SYT13: variants seen among roughly 807,000 people sequenced by gnomAD.
SYT13 encodes synaptotagmin 13.
In SYT13, 21 loss-of-function variants were observed where a neutral mutation model predicts 38.6. That is an observed-to-expected ratio of 0.54 (90% CI 0.39 to 0.78). The LOEUF is 0.78. Ranked by LOEUF, SYT13 falls within the 30% of genes least tolerant of loss-of-function variation. The pLI is 0.00. For synonymous variants in SYT13, 241 were observed against 237.6 expected (o/e 1.01, Z -0.13); for missense variants, 495 against 548.7 (o/e 0.90, Z 0.98).
chr11:45,284,758 TGGA>T (rs1247340913), intron 1 of SYT13, among the ~76,000 whole-genome samples: 2 of 152,134 alleles, frequency 1.3e-5, no homozygotes, highest in African/African-American at 4.8e-5. Context: ...CCACGACTTG[TGGA>T]GAAGGACTCC....
At chr11:45,266,656 AG>A (rs1406694489) in intron 1 of SYT13, among the ~76,000 whole-genome samples, 5 of 152,224 alleles carry the variant, frequency 3.3e-5, no homozygotes, top group African/African-American at 1.2e-4. Flanking sequence ...CTAGAGGCTG[AG>A]TGGGAACAGC....
chr11:45,260,980 A>G (rs11038371), intron 1 of SYT13, among the ~76,000 whole-genome samples: 68,016 of 152,144 alleles, frequency 0.45, 16,563 homozygotes, highest in Non-Finnish European at 0.56. Context: ...GAAGCAACCC[A>G]GATGTGCAGA....
intron 1 of SYT13, among the ~76,000 whole-genome samples, chr11:45,264,089 C>G (rs999853932): frequency 6.6e-6 from 1 of 152,114 alleles, no homozygotes; most frequent in Non-Finnish European, 1.5e-5. Context: ...TACTTTTTTA[C>G]TCATTTGTGA....
At chr11:45,273,988 T>G (rs1175227761) in intron 1 of SYT13, among the ~76,000 whole-genome samples, 2 of 152,184 alleles carry the variant, frequency 1.3e-5, no homozygotes, top group African/African-American at 2.4e-5. Context: ...CATATAACCT[T>G]AGAGAACCTT....
chr11:45,259,330 G>A (rs965771416), intron 1 of SYT13, among the ~76,000 whole-genome samples: 10 of 152,288 alleles, frequency 6.6e-5, no homozygotes, highest in Middle Eastern at 6.8e-3. Context: ...CAATTCAATC[G>A]TCTGAGAAAA....
At chr11:45,277,710 GTTAAGATCTTCT>G (rs1855026413) in intron 1 of SYT13, among the ~76,000 whole-genome samples, 1 of 152,076 alleles carries the variant, frequency 6.6e-6, no homozygotes, top group South Asian at 2.1e-4. Context: ...TTTTGCCCTG[GTTAAGATCTTCT>G]CCAACTCTAG....
intron 4 of SYT13, among the ~76,000 whole-genome samples, chr11:45,247,657 GACCAGGC>G (rs923320303): frequency 6.6e-6 from 1 of 152,070 alleles, no homozygotes; most frequent in Non-Finnish European, 1.5e-5. Context: ...ATCCATCCTG[GACCAGGC>G]ACTCAGAAGG....
Position 45,243,762 on chromosome 11 carries a change from G to T in SYT13, c.*290C>A. 1 of 324,678 alleles carries T rather than the reference G, an allele frequency of 3.1e-6. No individual in the cohort carries two copies. The allele number at this position is 324,678 out of a possible 1,614,324, so 20.1% of individuals were successfully genotyped here. A position where few individuals can be genotyped will look rare whatever the true frequency, so the allele number is the denominator to read the frequency against. ...ATGATTCCCACATTTAGCTTTCTCT[G>T]CATCTGGCCTAACCCCACCTATAAA... On this transcript the variant is annotated 3_prime_UTR_variant, in exon 6 of 6. Coordinates refer to ENST00000020926, the MANE Select transcript of SYT13 (RefSeq NM_020826.3).
intron 1 of SYT13, among the ~76,000 whole-genome samples, chr11:45,272,975 A>G (rs1421554535): frequency 1.3e-5 from 2 of 152,136 alleles, no homozygotes; most frequent in Middle Eastern, 3.4e-3. Flanking sequence ...TGACTCACAG[A>G]CTCTTCCTTT....
At chr11:45,285,921 T>G (rs1313269792) in intron 1 of SYT13, 104 bp downstream of exon 1, 14 of 1,496,896 alleles carry the variant, frequency 9.4e-6, no homozygotes, top group Admixed American at 2.0e-5. Flanking sequence ...CGCCAAGCTT[T>G]GTCGCGCAAA....
In SYT13 at chr11:45,244,064, C is replaced by T; in HGVS notation, c.1269G>A (p.Gln423=). ...NPRRQIAMWH[Q]LHL is the part of the protein sequence containing the mutation. ...GCTGGGCAGCTGGTTACAGGTGCAGCTGGTGCCACATGGCAATCTGCCGGC... is the reference window on the plus strand; with the variant it reads ...GCTGGGCAGCTGGTTACAGGTGCAGTTGGTGCCACATGGCAATCTGCCGGC... Residue 423 remains glutamine (Q), a synonymous_variant, in exon 6 of 6, where the codon CAG becomes CAA. Coordinates refer to ENST00000020926, the MANE Select transcript of SYT13 (RefSeq NM_020826.3). 6.2e-7 allele frequency: 1 copy of T among 1,600,196 alleles called. No individual in the cohort carries two copies. The highest frequency in any genetic ancestry group is 8.5e-7 in the Non-Finnish European group (1 of 1,175,408).
Position 45,274,729 on chromosome 11 carries a change from C to G in SYT13, c.183+11296G>C, listed in dbSNP as rs144084192. Among the ~76,000 whole-genome samples, 157 of 152,334 alleles carry G rather than the reference C, an allele frequency of 1.0e-3. No individual in the cohort carries two copies. In the Middle Eastern group the frequency reaches 0.014, roughly 13 times the overall value. Reference sequence around the variant, plus strand: ...CCTTATCTGCATCTTCAAACACCATCTTTTCCAAAACATCCTTCTTAATTC... The same window carrying G: ...CCTTATCTGCATCTTCAAACACCATGTTTTCCAAAACATCCTTCTTAATTC... On this transcript the variant is annotated intron_variant, in intron 1 of 5. Transcript: ENST00000020926.
intron 4 of SYT13, among the ~76,000 whole-genome samples, chr11:45,251,846 C>T (rs1365556982): frequency 6.6e-6 from 1 of 152,212 alleles, no homozygotes; most frequent in African/African-American, 2.4e-5. Context: ...TGGGCCTGCC[C>T]CCAGCCCTGA....
chr11:45,253,246 G>A (rs544978021), intron 3 of SYT13, among the ~76,000 whole-genome samples: 13 of 152,272 alleles, frequency 8.5e-5, no homozygotes, highest in East Asian at 1.9e-4. Flanking sequence ...TTCAGGGATC[G>A]TTTGGAAAGT....
At chr11:45,281,152 C>T (rs1855066390) in intron 1 of SYT13, among the ~76,000 whole-genome samples, 2 of 151,594 alleles carry the variant, frequency 1.3e-5, no homozygotes, top group South Asian at 4.2e-4. Context: ...GCTGAGATTG[C>T]ACCATTGCAC....
At chr11:45,263,950 A>T (rs1200925212) in intron 1 of SYT13, among the ~76,000 whole-genome samples, 1 of 152,208 alleles carries the variant, frequency 6.6e-6, no homozygotes, top group Non-Finnish European at 1.5e-5. Context: ...AGCTCTTAGG[A>T]CAGAGGCTAG....
chr11:45,281,286 C>T (rs1344314662), intron 1 of SYT13, among the ~76,000 whole-genome samples: 3 of 152,154 alleles, frequency 2.0e-5, no homozygotes, highest in Non-Finnish European at 4.4e-5. Flanking sequence ...CTGAAAGCCA[C>T]TTCAGTGATC....
At chr11:45,270,882 C>T (rs556978705) in intron 1 of SYT13, among the ~76,000 whole-genome samples, 61 of 152,300 alleles carry the variant, frequency 4.0e-4, no homozygotes, top group Non-Finnish European at 7.6e-4. Context: ...CTAGATTCTC[C>T]TTATATATTG....
intron 1 of SYT13, among the ~76,000 whole-genome samples, chr11:45,263,643 G>A (rs1469676364): frequency 6.6e-6 from 1 of 152,206 alleles, no homozygotes; most frequent in African/African-American, 2.4e-5. Flanking sequence ...CCCCGCCAAG[G>A]GGGTAGTGAG....
Sources: allele counts gnomAD v4.1 joint callset (sites outside exome capture counted in the v4.1 genomes callset), GRCh38; gene constraint gnomAD v4.1.1; transcripts MANE v1.5; gene names NCBI Gene and HGNC (gene_info 2026-07-23, HGNC 2026-07-21).